PRKCZ: variants seen among roughly 807,000 people sequenced by gnomAD.
The protein encoded by PRKCZ is protein kinase C zeta type.
A neutral mutation model predicts 79.5 loss-of-function variants in PRKCZ; 33 were observed. That is an observed-to-expected ratio of 0.41 (90% CI 0.31 to 0.55). The LOEUF is 0.55. Among genes scored for constraint, PRKCZ ranks in the 20% least tolerant of loss-of-function variants. The probability of loss-of-function intolerance (pLI) is 0.19; values close to 1 mark genes in which losing one functional copy is unlikely to be tolerated. For missense variants in PRKCZ, 578 were observed against 813.5 expected (o/e 0.71, Z 3.52); for synonymous variants, 342 against 320.9 (o/e 1.07, Z -0.70).
chr1:2,101,461 A>G (rs1348642246), intron 4 of PRKCZ, among the ~76,000 whole-genome samples: 1 of 152,192 alleles, frequency 6.6e-6, no homozygotes, highest in East Asian at 1.9e-4. Flanking sequence ...GGTGCGAGAC[A>G]TCCTGTTGCT....
chr1:2,065,430 G>T (rs1239551410), intron 4 of PRKCZ, among the ~76,000 whole-genome samples: 1 of 152,178 alleles, frequency 6.6e-6, no homozygotes, highest in Non-Finnish European at 1.5e-5. Context: ...TGTAATCCCA[G>T]CACTTTGGGA....
intron 5 of PRKCZ, among the ~76,000 whole-genome samples, chr1:2,135,805 C>T (rs750054009): frequency 6.6e-6 from 1 of 152,262 alleles, no homozygotes; most frequent in Non-Finnish European, 1.5e-5. Context: ...TCCCAGCGGC[C>T]ACCCACGGGG....
chr1:2,074,877 CAAAA>C (rs1662109104), intron 4 of PRKCZ: 3 of 150,830 alleles, frequency 2.0e-5, no homozygotes, highest in East Asian at 2.0e-4. Context: ...AAAAAAACAA[CAAAA>C]AACCAAAACA....
rs147033679 is a variant in PRKCZ, at chr1:2,172,102, G to A, written c.1109G>A (p.Arg370Lys). ...ICIALNFLHE[R>K]GIIYRDLKLD... ...ATCGCCCTCAACTTCCTGCACGAGA[G>A]GGGGATCATCTACAGGGACCTGAAG... Residue 370 changes from arginine (R) to lysine (K), a missense_variant, in exon 12 of 18, where the codon AGG becomes AAG. This residue lies in a region of PRKCZ where 243 missense variants were observed against 467.0 expected (regional missense o/e 0.52). Coordinates refer to ENST00000378567, the MANE Select transcript of PRKCZ (RefSeq NM_002744.6). The surrounding 1 kb of genome is among the most constrained non-coding windows in gnomAD (Gnocchi z 7.8). 2.5e-6 allele frequency: 4 copies of A among 1,613,330 alleles called. No homozygotes were observed. The highest frequency in any genetic ancestry group is 2.2e-5 in the East Asian group (1 of 44,878).
At position 2,082,687 on chromosome 1, in the gene PRKCZ, C is replaced by T. The variant is rs1003174575; in HGVS notation, c.334+23096C>T. Among the ~76,000 whole-genome samples the T allele has an allele frequency of 2.0e-5, 3 of 152,034 alleles. No homozygotes were observed. The highest frequency in any genetic ancestry group is 7.2e-5 in the African/African-American group (3 of 41,386). ...ACACGGTCGGCTTCTGAGAGTTGGTCCCCCCGCCCAACCCTCCCCTGGAGA... is the reference window on the plus strand; with the variant it reads ...ACACGGTCGGCTTCTGAGAGTTGGTTCCCCCGCCCAACCCTCCCCTGGAGA... On this transcript the variant is annotated intron_variant, in intron 4 of 17. Transcript: ENST00000378567. The surrounding 1 kb of genome is among the most constrained non-coding windows in gnomAD (Gnocchi z 4.4).
intron 10 of PRKCZ, among the ~76,000 whole-genome samples, chr1:2,161,762 A>G (rs1481713027): frequency 6.6e-6 from 1 of 152,084 alleles, no homozygotes. Context: ...CCCCTTCTCC[A>G]TCCAGACCCG....
chr1:2,143,949 C>T, intron 5 of PRKCZ: 2 of 430,094 alleles, frequency 4.7e-6, no homozygotes, highest in East Asian at 8.4e-5. Context: ...TGCCCGATGG[C>T]ACCTCCCCTG....
intron 4 of PRKCZ, among the ~76,000 whole-genome samples, chr1:2,131,638 C>T (rs1363053529): frequency 6.6e-6 from 1 of 152,144 alleles, no homozygotes; most frequent in Non-Finnish European, 1.5e-5. Context: ...GCGTGGTAAT[C>T]GATGGACACT....
intron 4 of PRKCZ, chr1:2,073,718 T>G (rs964233867): frequency 2.0e-6 from 2 of 999,040 alleles, no homozygotes; most frequent in African/African-American, 1.7e-5. Flanking sequence ...CCTGGAGACA[T>G]GAGGAGGCAG....
chr1:2,078,928 C>T (rs1339914069), intron 4 of PRKCZ, among the ~76,000 whole-genome samples: 1 of 151,708 alleles, frequency 6.6e-6, no homozygotes, highest in Non-Finnish European at 1.5e-5. Flanking sequence ...CTGCAACCTC[C>T]ACCTCCTGGG....
chr1:2,062,239 G>A (rs1049469774), intron 4 of PRKCZ, among the ~76,000 whole-genome samples: 5 of 151,986 alleles, frequency 3.3e-5, no homozygotes, highest in Non-Finnish European at 7.4e-5. Flanking sequence ...AGGGAACCCC[G>A]TGCCCGTCAT....
intron 4 of PRKCZ, among the ~76,000 whole-genome samples, chr1:2,108,383 G>A (rs1669018278): frequency 6.6e-6 from 1 of 152,238 alleles, no homozygotes; most frequent in Admixed American, 6.5e-5. Context: ...CGTGGCTCCT[G>A]GAGGCCAGGC....
chr1:2,151,126 A>G (rs1437954178), intron 9 of PRKCZ, 148 bp downstream of exon 9: 6 of 1,017,030 alleles, frequency 5.9e-6, no homozygotes, highest in East Asian at 2.6e-5. Context: ...GCATCGTGTA[A>G]TGACCAGGAT....
intron 4 of PRKCZ, among the ~76,000 whole-genome samples, chr1:2,102,007 C>T (rs1177777971): frequency 1.3e-5 from 2 of 152,178 alleles, no homozygotes; most frequent in East Asian, 1.9e-4. Flanking sequence ...GGCCTTTTCA[C>T]GAGGAAGGAT....
In PRKCZ at chr1:2,050,718, G is replaced by T; in HGVS notation, c.71+17G>T. 2 of 1,208,074 alleles carry T rather than the reference G, an allele frequency of 1.7e-6. No homozygotes were observed. The highest frequency in any genetic ancestry group is 4.2e-5 in the South Asian group (1 of 23,956). The allele number at this position is 1,208,074 out of a possible 1,614,324, so 74.8% of individuals were successfully genotyped here. The stretch of plus-strand genomic sequence containing the variant: ...TTACGGGGGGTGAGCGGCGGAGAGG[G>T]CGGGGAGCGGCGCGGGTGAGGCAGG... On this transcript the variant is annotated intron_variant, in intron 1 of 17. Coordinates refer to ENST00000378567, the MANE Select transcript of PRKCZ (RefSeq NM_002744.6).
At chr1:2,142,203 C>T (rs1288257249) in intron 5 of PRKCZ, 4 of 300,392 alleles carry the variant, frequency 1.3e-5, no homozygotes, top group Admixed American at 5.4e-5. Context: ...ATCCAGCAGC[C>T]GAAGCGCCTC....
At chr1:2,131,875 G>A (rs1376933316) in intron 4 of PRKCZ, among the ~76,000 whole-genome samples, 1 of 152,194 alleles carries the variant, frequency 6.6e-6, no homozygotes, top group African/African-American at 2.4e-5. Flanking sequence ...GCAGTGGCGC[G>A]ATCGCGGCTC....
chr1:2,161,052 G>C (rs1433688669), intron 10 of PRKCZ, among the ~76,000 whole-genome samples: 1 of 152,126 alleles, frequency 6.6e-6, no homozygotes, highest in Non-Finnish European at 1.5e-5. Flanking sequence ...GCCTCTTCTT[G>C]GGGAACATGA....
In PRKCZ at chr1:2,072,869, C is replaced by T. The variant is rs572555929; in HGVS notation, c.334+13278C>T. ...CCTCTGTCCCTCTGCACCCCCAGTG[C>T]GAAGCGGCCCATGTAGGCTCAGCAC... On this transcript the variant is annotated intron_variant, in intron 4 of 17. Coordinates refer to ENST00000378567, the MANE Select transcript of PRKCZ (RefSeq NM_002744.6). Among the ~76,000 whole-genome samples, 5 of 152,194 alleles carry T rather than the reference C, an allele frequency of 3.3e-5. No homozygotes were observed. In the South Asian group the frequency reaches 8.3e-4, roughly 25 times the overall value.
Sources: allele counts gnomAD v4.1 joint callset (sites outside exome capture counted in the v4.1 genomes callset), GRCh38; gene constraint gnomAD v4.1.1; regional missense constraint gnomAD v4.1.1; non-coding constraint Gnocchi (gnomAD v3.1); transcripts MANE v1.5; gene names NCBI Gene and HGNC (gene_info 2026-07-23, HGNC 2026-07-21).